The following SEMA3E variants were observed in gnomAD, a reference collection of about 807,000 sequenced individuals.
SEMA3E encodes semaphorin 3E.
Under a neutral mutation model 93.6 loss-of-function variants are expected in SEMA3E, and 49 were observed. The observed-to-expected ratio is 0.52, with a 90% CI of 0.42 to 0.66. The LOEUF (loss-of-function observed/expected upper bound fraction) is 0.66, where lower values mean the gene tolerates loss of function less well. Ranked by LOEUF, SEMA3E falls within the 30% of genes least tolerant of loss-of-function variation. The pLI, the probability that SEMA3E is intolerant of heterozygous loss-of-function variation, is 0.00. For synonymous variants in SEMA3E, 363 were observed against 330.7 expected (o/e 1.10, Z -1.06); for missense variants, 906 against 964.8 (o/e 0.94, Z 0.81).
intron 14 of SEMA3E, among the ~76,000 whole-genome samples, chr7:83,387,994 TATA>T (rs1787917757): frequency 6.8e-6 from 1 of 147,120 alleles, no homozygotes; most frequent in Non-Finnish European, 1.5e-5. Flanking sequence ...ATATTATGTA[TATA>T]ATATAATGTT....
chr7:83,581,331 T>C (rs1052988413), intron 1 of SEMA3E, among the ~76,000 whole-genome samples: 3 of 151,984 alleles, frequency 2.0e-5, no homozygotes, highest in African/African-American at 4.8e-5. Context: ...GCACTGCCCA[T>C]AGTAATATTT....
chr7:83,495,899 T>C (rs1790481270), intron 1 of SEMA3E, among the ~76,000 whole-genome samples: 1 of 151,894 alleles, frequency 6.6e-6, no homozygotes, highest in Non-Finnish European at 1.5e-5. Flanking sequence ...AAAATGAAAT[T>C]ATATAAGTAA....
chr7:83,591,106 CAAAAAA>C (rs202162169), intron 1 of SEMA3E, among the ~76,000 whole-genome samples: 1 of 114,586 alleles, frequency 8.7e-6, no homozygotes, highest in Non-Finnish European at 1.9e-5. Context: ...GAGTTATTTG[CAAAAAA>C]AAAAAAAAAA....
At chr7:83,582,277 C>T (rs1792532266) in intron 1 of SEMA3E, among the ~76,000 whole-genome samples, 1 of 150,502 alleles carries the variant, frequency 6.6e-6, no homozygotes, top group Non-Finnish European at 1.5e-5. Context: ...ATAAAAGCTT[C>T]ATTTATGATT....
At chr7:83,620,905 A>C (rs933316395) in intron 1 of SEMA3E, among the ~76,000 whole-genome samples, 1 of 152,076 alleles carries the variant, frequency 6.6e-6, no homozygotes, top group East Asian at 1.9e-4. Context: ...ATGGGCAAAA[A>C]CTGGAAACAT....
intron 16 of SEMA3E, 28 bp downstream of exon 16, chr7:83,385,266 A>C: frequency 6.2e-7 from 1 of 1,609,752 alleles, no homozygotes; most frequent in Non-Finnish European, 8.5e-7. Flanking sequence ...GCAAAATACT[A>C]TGTTTTGAAT....
chr7:83,439,793 AT>A (rs1789075276), intron 4 of SEMA3E, among the ~76,000 whole-genome samples: 1 of 152,206 alleles, frequency 6.6e-6, no homozygotes. Flanking sequence ...ACATTATAAT[AT>A]CCTTAACGTA....
chr7:83,616,914 G>C (rs189156704), intron 1 of SEMA3E, among the ~76,000 whole-genome samples: 2 of 151,968 alleles, frequency 1.3e-5, no homozygotes, highest in African/African-American at 4.8e-5. Context: ...TGGTAGAGAC[G>C]GGGTTTCACC....
intron 2 of SEMA3E, among the ~76,000 whole-genome samples, chr7:83,485,358 T>C (rs1475108706): frequency 2.0e-5 from 3 of 152,170 alleles, no homozygotes; most frequent in African/African-American, 7.2e-5. Context: ...ATAATATTTA[T>C]CCTTTTACAA....
At chr7:83,553,920 C>T (rs375586126) in intron 1 of SEMA3E, among the ~76,000 whole-genome samples, 21 of 152,170 alleles carry the variant, frequency 1.4e-4, no homozygotes, top group African/African-American at 4.3e-4. Flanking sequence ...AATCTATACT[C>T]ACCTATCATT....
intron 2 of SEMA3E, among the ~76,000 whole-genome samples, chr7:83,477,439 A>C (rs577197341): frequency 6.6e-6 from 1 of 152,238 alleles, no homozygotes; most frequent in African/African-American, 2.4e-5. Flanking sequence ...GAACACATTA[A>C]AATAGTCTTA....
chr7:83,468,879 A>T (rs2723011), intron 3 of SEMA3E, among the ~76,000 whole-genome samples: 66,904 of 152,072 alleles, frequency 0.44, 16,175 homozygotes, highest in East Asian at 0.66. Context: ...TTTACTAAAC[A>T]ATGTAAAGTG....
chr7:83,542,055 A>T (rs760612969), intron 1 of SEMA3E, among the ~76,000 whole-genome samples: 6 of 152,078 alleles, frequency 3.9e-5, no homozygotes, highest in Non-Finnish European at 7.4e-5. Flanking sequence ...AGTGACAGTC[A>T]AGAATGGCCA....
intron 1 of SEMA3E, among the ~76,000 whole-genome samples, chr7:83,562,630 A>G (rs1319176343): frequency 6.6e-6 from 1 of 152,078 alleles, no homozygotes; most frequent in Non-Finnish European, 1.5e-5. Flanking sequence ...TTTATCCCAG[A>G]GAAACTTTCT....
chr7:83,374,650 T>C lies in SEMA3E; in HGVS notation c.1876-6612A>G, dbSNP rs149646453. ...ACAGGGATAAACTGTAAAAACATAG[T>C]GCTGAGTTCACAAAGTAAGAAGGAG... On this transcript the variant is annotated intron_variant, in intron 16 of 16. Transcript: ENST00000643230. 9.5e-3 allele frequency among the ~76,000 whole-genome samples: 1,453 copies of C among 152,208 alleles called. 25 individuals carry two copies. The highest frequency in any genetic ancestry group is 0.033 in the African/African-American group (1,354 of 41,540).
chr7:83,459,442 TCTGA>T (rs757636350), intron 4 of SEMA3E, among the ~76,000 whole-genome samples: 7 of 152,198 alleles, frequency 4.6e-5, no homozygotes, highest in African/African-American at 1.2e-4. Flanking sequence ...AGGTAAATAT[TCTGA>T]CTGTGTATAT....
rs1288791280 is a variant in SEMA3E at position 83,368,558 on chromosome 7, A to G, written c.1876-520T>C. On this transcript the variant is annotated intron_variant, in intron 16 of 16. Coordinates refer to ENST00000643230, the MANE Select transcript of SEMA3E (RefSeq NM_012431.3). ...TGGGCTCCTTTCACTTTGTCGTCTT[A>G]CAAAAAAATTCATCAGTTAATCAGT... is the stretch of plus-strand genomic sequence containing the variant. Among the ~76,000 whole-genome samples, 3 of 152,272 alleles carry G rather than the reference A, an allele frequency of 2.0e-5. No individual in the cohort carries two copies. The East Asian group carries it at 5.8e-4, about 29-fold the overall frequency.
chr7:83,374,262 C>T (rs1033329390), intron 16 of SEMA3E, among the ~76,000 whole-genome samples: 6 of 146,764 alleles, frequency 4.1e-5, no homozygotes, highest in South Asian at 2.2e-4. Context: ...TTAAACAAGA[C>T]GTTACCCTAT....
intron 1 of SEMA3E, among the ~76,000 whole-genome samples, chr7:83,561,780 T>C (rs975401455): frequency 2.0e-5 from 3 of 152,170 alleles, no homozygotes; most frequent in African/African-American, 7.2e-5. Context: ...TTTTAAGATA[T>C]CCTTTTACTC....
Sources: gnomAD v4.1 joint callset for allele counts (sites outside exome capture counted in the v4.1 genomes callset) on GRCh38, gnomAD v4.1.1 for gene constraint, MANE v1.5 for transcripts, NCBI Gene and HGNC (gene_info 2026-07-23, HGNC 2026-07-21) for gene names.